GNAL: variants seen among roughly 807,000 people sequenced by gnomAD.
GNAL encodes guanine nucleotide-binding protein G(olf) subunit alpha.
In GNAL, 18 loss-of-function variants were observed where a neutral mutation model predicts 55.1. That is an observed-to-expected ratio of 0.33 (90% confidence interval 0.23 to 0.48). The LOEUF (loss-of-function observed/expected upper bound fraction) is 0.48. Ranked by LOEUF, GNAL falls within the 20% of genes least tolerant of loss-of-function variation. The pLI, the probability that GNAL is intolerant of heterozygous loss-of-function variation, is 0.99. For missense variants in GNAL, 412 were observed against 614.1 expected, an observed-to-expected ratio of 0.67 and a Z score of 3.48; for synonymous variants, 253 against 237.0, an observed-to-expected ratio of 1.07 and a Z score of -0.62.
intron 7 of GNAL, 66 bp from the exon 8 acceptor site, chr18:11,867,102 A>G: frequency 8.0e-7 from 1 of 1,245,260 alleles, no homozygotes. Context: ...AAAAGAGGAA[A>G]GCAAGCACGT....
Position 11,752,592 on chromosome 18 carries a change from G to C in GNAL, c.377-261G>C. The C allele has an allele frequency of 6.3e-7, 1 of 1,585,256 alleles. No homozygotes were observed. The highest frequency in any genetic ancestry group is 1.8e-4 in the Middle Eastern group (1 of 5,702). On this transcript the variant is annotated intron_variant, in intron 1 of 11. Coordinates refer to ENST00000334049, the MANE Select transcript of GNAL (RefSeq NM_182978.4). The surrounding 1 kb of genome is among the most constrained non-coding windows in gnomAD (Gnocchi z 4.5). Reference sequence around the variant, plus strand: ...TGCTGCTCCTGGGTAAGGCCGAGGGGCGCGCGGCGGCTCCCGGCCCCAGCG... The same window carrying C: ...TGCTGCTCCTGGGTAAGGCCGAGGGCCGCGCGGCGGCTCCCGGCCCCAGCG...
rs1176437871 is a variant in GNAL, at chr18:11,868,590, G to C, written c.958G>C (p.Val320Leu). 6.2e-7 allele frequency: 1 copy of C among 1,611,098 alleles called. No homozygotes were observed. Among genetic ancestry groups the C allele is most frequent in the Admixed American group, 1.7e-5 (1 of 59,884 alleles). ...CGCAGCCTGCAGTAGCTACAACATGGTGATTCGAGAAGATAACAACACCAA... is the reference window on the plus strand; with the variant it reads ...CGCAGCCTGCAGTAGCTACAACATGCTGATTCGAGAAGATAACAACACCAA... ...YVAACSSYNM[V>L]IREDNNTNRL... is the part of the protein sequence containing the mutation. Residue 320 changes from valine (V) to leucine (L), a missense_variant, in exon 9 of 12, where the codon GTG becomes CTG. Coordinates refer to ENST00000334049, the MANE Select transcript of GNAL (RefSeq NM_182978.4). The surrounding 1 kb of genome is among the most constrained non-coding windows in gnomAD (Gnocchi z 4.0).
intron 4 of GNAL, among the ~76,000 whole-genome samples, chr18:11,821,846 A>G (rs2035100194): frequency 6.6e-6 from 1 of 152,194 alleles, no homozygotes; most frequent in South Asian, 2.1e-4. Context: ...CCAGCTCACC[A>G]AGGGCTGAAG....
In GNAL at chr18:11,752,586, C is replaced by G. The variant is rs1464522369; in HGVS notation, c.377-267C>G. On this transcript the variant is annotated intron_variant, in intron 1 of 11. Transcript: ENST00000334049. The surrounding 1 kb of genome is among the most constrained non-coding windows in gnomAD (Gnocchi z 4.5). ...ACCGCCTGCTGCTCCTGGGTAAGGC[C>G]GAGGGGCGCGCGGCGGCTCCCGGCC... The G allele has an allele frequency of 6.3e-7, 1 of 1,588,740 alleles. No homozygotes were observed. Among genetic ancestry groups the G allele is most frequent in the South Asian group, 1.1e-5 (1 of 88,390 alleles).
At chr18:11,744,724 C>T (rs2032650786) in intron 1 of GNAL, among the ~76,000 whole-genome samples, 1 of 152,104 alleles carries the variant, frequency 6.6e-6, no homozygotes, top group Non-Finnish European at 1.5e-5. Context: ...CTGTTTTGTT[C>T]CTCAGAGACA....
chr18:11,720,474 T>G (rs2032069164), intron 1 of GNAL, among the ~76,000 whole-genome samples: 1 of 152,234 alleles, frequency 6.6e-6, no homozygotes, highest in Non-Finnish European at 1.5e-5. Context: ...TAGTGCGACG[T>G]TATGTGTTTC....
rs1235986690 is a variant in GNAL at position 11,689,876 on chromosome 18, A to C, written c.313A>C (p.Ile105Leu). The change falls in exon 1 of 12, where the codon ATC becomes CTC. Residue 105 changes from isoleucine to leucine, a missense_variant. Ile to Leu is a conservative substitution (Grantham distance 5). This residue lies in a region of GNAL where 228 missense variants were observed against 194.8 expected (regional missense o/e 1.17). Transcript: ENST00000334049. ...GGAGGCGAGGAAAGTGAGCCGGGGCATCGACCGCATGCTGCGCGACCAGAA... is the reference window on the plus strand; with the variant it reads ...GGAGGCGAGGAAAGTGAGCCGGGGCCTCGACCGCATGCTGCGCGACCAGAA... Reference protein sequence around the residue: ...VKEARKVSRGIDRMLRDQKRD... With the variant: ...VKEARKVSRGLDRMLRDQKRD... The C allele has an allele frequency of 5.3e-6, 8 of 1,507,278 alleles. No individual in the cohort carries two copies. The highest frequency in any genetic ancestry group is 7.1e-6 in the Non-Finnish European group (8 of 1,130,356). The allele number at this position is 1,507,278 out of a possible 1,614,324, so 93.4% of individuals were successfully genotyped here.
At chr18:11,798,804 A>G (rs1395905955) in intron 4 of GNAL, among the ~76,000 whole-genome samples, 1 of 152,164 alleles carries the variant, frequency 6.6e-6, no homozygotes, top group Non-Finnish European at 1.5e-5. Flanking sequence ...ACAAGCTAAA[A>G]GCAGTTAAGT....
At chr18:11,878,220 G>A (rs933333682) in intron 11 of GNAL, among the ~76,000 whole-genome samples, 7 of 152,188 alleles carry the variant, frequency 4.6e-5, no homozygotes, top group African/African-American at 1.4e-4. Flanking sequence ...GGAGGCCAAG[G>A]CAGGTGGATC....
chr18:11,733,249 G>A (rs986105033), intron 1 of GNAL, among the ~76,000 whole-genome samples: 3 of 152,256 alleles, frequency 2.0e-5, no homozygotes, highest in Admixed American at 2.0e-4. Context: ...GGCCTCTCGT[G>A]CTGTGTCTGA....
chr18:11,847,031 G>A (rs1406839985), intron 5 of GNAL, among the ~76,000 whole-genome samples: 2 of 151,120 alleles, frequency 1.3e-5, no homozygotes, highest in African/African-American at 2.4e-5. Context: ...TGTATGTAAT[G>A]TATAATATAT....
intron 5 of GNAL, chr18:11,852,165 C>T (rs1167311010): frequency 6.6e-7 from 1 of 1,504,214 alleles, no homozygotes; most frequent in African/African-American, 1.4e-5. Context: ...GAAATGCTCT[C>T]TGTGTGTTAG....
chr18:11,851,118 C>T (rs1322535493), intron 5 of GNAL, among the ~76,000 whole-genome samples: 5 of 152,244 alleles, frequency 3.3e-5, no homozygotes, highest in African/African-American at 9.6e-5. Flanking sequence ...CGGGTCTCCA[C>T]AGATCCTGTC....
At chr18:11,766,063 A>G (rs1568016904) in intron 4 of GNAL, among the ~76,000 whole-genome samples, 1 of 152,240 alleles carries the variant, frequency 6.6e-6, no homozygotes, top group African/African-American at 2.4e-5. Flanking sequence ...AGGAATCAGT[A>G]GAAGGAGCAG....
intron 10 of GNAL, among the ~76,000 whole-genome samples, chr18:11,873,226 T>A (rs1190850543): frequency 6.6e-6 from 1 of 152,214 alleles, no homozygotes; most frequent in Admixed American, 6.5e-5. Context: ...ATAGTTAAGA[T>A]TTGGAAAATT....
At chr18:11,849,970 C>T (rs1032090604) in intron 5 of GNAL, among the ~76,000 whole-genome samples, 8 of 152,210 alleles carry the variant, frequency 5.3e-5, no homozygotes, top group African/African-American at 1.9e-4. Flanking sequence ...CCTTGCCAGG[C>T]AATGTGCCCT....
intron 4 of GNAL, among the ~76,000 whole-genome samples, chr18:11,813,527 A>C (rs533516295): frequency 2.7e-4 from 41 of 152,354 alleles, no homozygotes; most frequent in African/African-American, 9.1e-4. Context: ...AAAATACCTA[A>C]TTATTTTATT....
At chr18:11,733,606 AGAGTAAAATCATGTC>A (rs1285816585) in intron 1 of GNAL, among the ~76,000 whole-genome samples, 1 of 152,254 alleles carries the variant, frequency 6.6e-6, no homozygotes, top group Non-Finnish European at 1.5e-5. Context: ...AGCTGTAAAA[AGAGTAAAATCATGTC>A]TTCTTGAGGG....
chr18:11,816,597 C>T (rs139569002), intron 4 of GNAL, among the ~76,000 whole-genome samples: 2,315 of 152,156 alleles, frequency 0.015, 57 homozygotes, highest in African/African-American at 0.053. Flanking sequence ...CCCGGCCACT[C>T]TAATTTTTTT....
Sources: gnomAD v4.1 joint callset for allele counts (sites outside exome capture counted in the v4.1 genomes callset) on GRCh38, gnomAD v4.1.1 for gene constraint, gnomAD v4.1.1 regional missense constraint, Gnocchi (gnomAD v3.1) non-coding constraint, MANE v1.5 for transcripts, NCBI Gene and HGNC (gene_info 2026-07-23, HGNC 2026-07-21) for gene names.